Variants in KCNH1 observed in about 807,000 individuals in gnomAD.
KCNH1 encodes potassium voltage-gated channel subfamily H member 1, also known as voltage-gated delayed rectifier potassium channel KCNH1.
Under a neutral mutation model 69.2 loss-of-function variants are expected in KCNH1, and 27 were observed. The ratio of observed to expected loss-of-function variants is 0.39; its 90% CI spans 0.29 to 0.54. KCNH1 has a LOEUF of 0.54. Ranked by LOEUF, KCNH1 falls within the 20% of genes least tolerant of loss-of-function variation. The probability of loss-of-function intolerance (pLI) is 0.68; values close to 1 mark genes in which losing one functional copy is unlikely to be tolerated. For missense variants in KCNH1, 798 were observed against 1,261.6 expected (o/e 0.63, Z 5.57); for synonymous variants, 456 against 487.7 (o/e 0.93, Z 0.86).
chr1:211,013,637 C>G (rs572502663), intron 6 of KCNH1, among the ~76,000 whole-genome samples: 2 of 152,338 alleles, frequency 1.3e-5, no homozygotes, highest in Non-Finnish European at 2.9e-5. Context: ...CTCAAAACAG[C>G]TGCCATCAGG....
intron 7 of KCNH1, among the ~76,000 whole-genome samples, chr1:210,808,673 G>C (rs1684636902): frequency 1.3e-5 from 2 of 152,032 alleles, no homozygotes; most frequent in African/African-American, 4.8e-5. Flanking sequence ...TGGAATTACA[G>C]ATGTGAGCTA....
intron 3 of KCNH1, 111 bp from the exon 4 acceptor site, chr1:211,090,801 G>T: frequency 9.9e-7 from 1 of 1,012,688 alleles, no homozygotes; most frequent in Non-Finnish European, 1.4e-6. Context: ...TTTTTAAATG[G>T]TCTTATTAAT....
At chr1:211,064,665 C>T (rs1367059915) in intron 5 of KCNH1, among the ~76,000 whole-genome samples, 1 of 151,944 alleles carries the variant, frequency 6.6e-6, no homozygotes, top group Non-Finnish European at 1.5e-5. Context: ...AAGCCTTCTG[C>T]ATAGTCAAGG....
In KCNH1 at chr1:210,984,082, T is replaced by C. The variant is rs576477829; in HGVS notation, c.1032+34701A>G. ...GATTTGGCTCTCTGTTTGTCTGTTATTGGTGTATAAGAATGCTTGTGATTT... is the reference window on the plus strand; with the variant it reads ...GATTTGGCTCTCTGTTTGTCTGTTACTGGTGTATAAGAATGCTTGTGATTT... On this transcript the variant is annotated intron_variant, in intron 6 of 10. Coordinates refer to ENST00000271751, the MANE Select transcript of KCNH1 (RefSeq NM_172362.3). 3.3e-5 allele frequency among the ~76,000 whole-genome samples: 5 copies of C among 152,284 alleles called. No individual in the cohort carries two copies. In the South Asian group the frequency reaches 8.3e-4, roughly 25 times the overall value.
At chr1:210,936,599 A>C (rs947819136) in intron 6 of KCNH1, among the ~76,000 whole-genome samples, 5 of 152,240 alleles carry the variant, frequency 3.3e-5, no homozygotes, top group East Asian at 1.9e-4. Flanking sequence ...ATGCTTACAA[A>C]TATGCCAGAA....
intron 7 of KCNH1, among the ~76,000 whole-genome samples, chr1:210,869,673 T>A (rs1686195239): frequency 6.6e-6 from 1 of 152,122 alleles, no homozygotes; most frequent in African/African-American, 2.4e-5. Context: ...TGATCCTTTT[T>A]TAGGCTTTAT....
At chr1:210,758,439 C>T (rs1683444104) in intron 10 of KCNH1, among the ~76,000 whole-genome samples, 1 of 152,218 alleles carries the variant, frequency 6.6e-6, no homozygotes, top group African/African-American at 2.4e-5. Flanking sequence ...GACCTGGAAC[C>T]AGTCTGTGTA....
At chr1:210,837,941 C>G (rs891645838) in intron 7 of KCNH1, among the ~76,000 whole-genome samples, 6 of 152,186 alleles carry the variant, frequency 3.9e-5, no homozygotes, top group African/African-American at 1.4e-4. Flanking sequence ...AGATTCAATG[C>G]TATTCCTGTT....
At chr1:210,958,530 TCACTTTCAGGTA>T (rs746554679) in intron 6 of KCNH1, among the ~76,000 whole-genome samples, 9 of 152,228 alleles carry the variant, frequency 5.9e-5, no homozygotes, top group Non-Finnish European at 1.2e-4. Context: ...ATTCTCCCCA[TCACTTTCAGGTA>T]CACCAATCAA....
chr1:211,076,724 C>T (rs762121764), intron 5 of KCNH1, among the ~76,000 whole-genome samples: 2 of 152,212 alleles, frequency 1.3e-5, no homozygotes, highest in African/African-American at 2.4e-5. Flanking sequence ...CGCAGCTCCT[C>T]GCCAGCAATG....
chr1:210,723,121 A>G (rs1574211581), intron 10 of KCNH1, among the ~76,000 whole-genome samples: 1 of 151,938 alleles, frequency 6.6e-6, no homozygotes, highest in African/African-American at 2.4e-5. Flanking sequence ...CAGACAGAAA[A>G]CCCCAATGGG....
chr1:211,029,334 TA>T (rs58241322), intron 5 of KCNH1, among the ~76,000 whole-genome samples: 88 of 23,136 alleles, frequency 3.8e-3, no homozygotes, highest in African/African-American at 0.011. Flanking sequence ...TCCTGTCACT[TA>T]AAAAAAAAAA....
chr1:210,801,681 G>A (rs947077951), intron 8 of KCNH1, among the ~76,000 whole-genome samples: 1 of 152,208 alleles, frequency 6.6e-6, no homozygotes, highest in African/African-American at 2.4e-5. Context: ...GCATCCTGGT[G>A]CCTGGGAAAA....
intron 1 of KCNH1, among the ~76,000 whole-genome samples, chr1:211,130,451 C>T (rs1162589106): frequency 2.0e-5 from 3 of 152,098 alleles, no homozygotes; most frequent in Non-Finnish European, 4.4e-5. Context: ...GGGGCAAGAA[C>T]CTTGGACCAA....
intron 6 of KCNH1, among the ~76,000 whole-genome samples, chr1:210,946,122 T>C (rs1370415672): frequency 1.3e-5 from 2 of 152,210 alleles, no homozygotes; most frequent in Non-Finnish European, 2.9e-5. Context: ...ATGAATATTA[T>C]CCCACTTGGT....
At chr1:210,902,802 TCAGA>T (rs751831268) in intron 7 of KCNH1, among the ~76,000 whole-genome samples, 15 of 152,198 alleles carry the variant, frequency 9.9e-5, no homozygotes, top group Non-Finnish European at 2.1e-4. Flanking sequence ...CTGCCTTTGC[TCAGA>T]CAATCACTGT....
chr1:211,044,614 A>G (rs1690059148), intron 5 of KCNH1, among the ~76,000 whole-genome samples: 1 of 152,150 alleles, frequency 6.6e-6, no homozygotes, highest in Non-Finnish European at 1.5e-5. Flanking sequence ...TGAATAGACA[A>G]TTCTCAAAAG....
At chr1:211,042,549 TAGACAGGTCATCA>T (rs1274003265) in intron 5 of KCNH1, among the ~76,000 whole-genome samples, 3 of 152,198 alleles carry the variant, frequency 2.0e-5, no homozygotes, top group Non-Finnish European at 4.4e-5. Flanking sequence ...CTGACAGCAC[TAGACAGGTCATCA>T]AGACAGAAAG....
chr1:210,722,842 G>A (rs1682503459), intron 10 of KCNH1, among the ~76,000 whole-genome samples: 1 of 152,120 alleles, frequency 6.6e-6, no homozygotes, highest in Non-Finnish European at 1.5e-5. Context: ...TTTATATAAT[G>A]GGTAGAGAAC....
Sources: gnomAD v4.1 joint callset for allele counts (sites outside exome capture counted in the v4.1 genomes callset) on GRCh38, gnomAD v4.1.1 for gene constraint, MANE v1.5 for transcripts, NCBI Gene and HGNC (gene_info 2026-07-23, HGNC 2026-07-21) for gene names.